Variants in N4BP1 observed in about 807,000 individuals in gnomAD.
N4BP1 encodes NEDD4-binding protein 1.
N4BP1 carries 21 observed loss-of-function variants against 70.9 expected under a neutral mutation model. The observed-to-expected ratio is 0.30, with a 90% CI of 0.21 to 0.43. The LOEUF is 0.43. Among genes scored for constraint, N4BP1 ranks in the 20% least tolerant of loss-of-function variants. The pLI is 1.00. For synonymous variants in N4BP1, 387 were observed against 394.6 expected (o/e 0.98, Z 0.23); for missense variants, 936 against 1,069.4 (o/e 0.88, Z 1.74).
chr16:48,553,937 G>GT (rs1483851355), intron 2 of N4BP1, among the ~76,000 whole-genome samples: 4 of 152,108 alleles, frequency 2.6e-5, no homozygotes, highest in Non-Finnish European at 5.9e-5. Context: ...GAGCTCCATG[G>GT]TAATACTTGT....
At chr16:48,543,769 G>A (rs911851158) in intron 6 of N4BP1, among the ~76,000 whole-genome samples, 1 of 152,286 alleles carries the variant, frequency 6.6e-6, no homozygotes, top group Non-Finnish European at 1.5e-5. Context: ...TACAGGGAGG[G>A]CATCTGTATC....
chr16:48,559,363 A>AT, intron 2 of N4BP1, among the ~76,000 whole-genome samples: 1 of 152,330 alleles, frequency 6.6e-6, no homozygotes, highest in South Asian at 2.1e-4. Context: ...TCAGAAAAGT[A>AT]TTTTTAAGAT....
In N4BP1 at chr16:48,565,023, C is replaced by A. The variant is rs1039666443; in HGVS notation, c.199-2579G>T. Among the ~76,000 whole-genome samples the A allele has an allele frequency of 2.0e-5, 3 of 152,300 alleles. No individual in the cohort carries two copies. The East Asian group carries it at 5.8e-4, about 29-fold the overall frequency. ...TGTATGTTAATCATGTATCTTGAAA[C>A]CTTCCTGAACTCACTTATTCCTATT... On this transcript the variant is annotated intron_variant, in intron 1 of 6. Coordinates refer to ENST00000262384, the MANE Select transcript of N4BP1 (RefSeq NM_153029.4).
chr16:48,559,661 A>AT (rs1454757130), intron 2 of N4BP1: 1 of 152,208 alleles, frequency 6.6e-6, no homozygotes, highest in Non-Finnish European at 1.5e-5. Flanking sequence ...CATAAGGCAA[A>AT]TGCCTCATCA....
At chr16:48,553,329 A>C (rs1420457749) in intron 3 of N4BP1, among the ~76,000 whole-genome samples, 1 of 152,228 alleles carries the variant, frequency 6.6e-6, no homozygotes, top group Middle Eastern at 3.2e-3. Flanking sequence ...TGTATAAATA[A>C]CTATGTTAAC....
chr16:48,561,032 A>G lies in N4BP1; in HGVS notation c.1611T>C (p.Asn537=). ...HQQPEPLLPN[N]MKSACEKRLG... The stretch of plus-strand genomic sequence containing the variant: ...AACGTTTTTCACAGGCAGATTTCAT[A>G]TTATTTGGAAGCAAGGGTTCTGGCT... The change falls in exon 2 of 7, where the codon AAT becomes AAC. Residue 537 remains asparagine (N), a synonymous_variant. Transcript: ENST00000262384. 1 of 1,614,000 alleles carries G rather than the reference A, an allele frequency of 6.2e-7. No homozygotes were observed. Among genetic ancestry groups the G allele is most frequent in the Non-Finnish European group, 8.5e-7 (1 of 1,179,874 alleles).
rs1567431070 is a variant in N4BP1, at chr16:48,560,849, A to T, written c.1794T>A (p.Asp598Glu). ...CCAGCTTGTAGGGTATTTTTAGAGT[A>T]TCTCGAAACCTTTGAACCCCAGTAA... ...SSVTGVQRFR[D>E]TLKIPYKLEL... Residue 598 changes from aspartate (D) to glutamate (E), a missense_variant, in exon 2 of 7, where the codon GAT becomes GAA. Around this residue, in one of 4 missense-constraint regions of N4BP1, gnomAD observed 515 missense variants for 491.7 expected, o/e 1.05. Coordinates refer to ENST00000262384, the MANE Select transcript of N4BP1 (RefSeq NM_153029.4). 2 of 1,613,854 alleles carry T rather than the reference A, an allele frequency of 1.2e-6. No homozygotes were observed. Among genetic ancestry groups the T allele is most frequent in the African/African-American group, 1.3e-5 (1 of 74,928 alleles).
At chr16:48,607,561 G>C (rs551050533) in intron 1 of N4BP1, among the ~76,000 whole-genome samples, 2 of 152,094 alleles carry the variant, frequency 1.3e-5, no homozygotes, top group Non-Finnish European at 2.9e-5. Context: ...AGGGAGGGAG[G>C]GAGCAATGAA....
At chr16:48,578,625 C>T (rs986371158) in intron 1 of N4BP1, among the ~76,000 whole-genome samples, 1 of 152,192 alleles carries the variant, frequency 6.6e-6, no homozygotes, top group Non-Finnish European at 1.5e-5. Flanking sequence ...TCCTCTGTTA[C>T]AGTACCAAAG....
At chr16:48,598,309 T>A (rs1964448939) in intron 1 of N4BP1, among the ~76,000 whole-genome samples, 1 of 152,190 alleles carries the variant, frequency 6.6e-6, no homozygotes, top group African/African-American at 2.4e-5. Context: ...CTTCCTCAGC[T>A]TCATTAGGTC....
intron 1 of N4BP1, among the ~76,000 whole-genome samples, chr16:48,564,067 T>C (rs1356743009): frequency 6.6e-6 from 1 of 152,224 alleles, no homozygotes; most frequent in African/African-American, 2.4e-5. Flanking sequence ...CTAGTAGCCT[T>C]CTATTTTCTA....
chr16:48,561,849 G>C lies in N4BP1; in HGVS notation c.794C>G (p.Pro265Arg). 1 of 1,613,770 alleles carries C rather than the reference G, an allele frequency of 6.2e-7. No homozygotes were observed. Among genetic ancestry groups the C allele is most frequent in the South Asian group, 1.1e-5 (1 of 91,076 alleles). The change falls in exon 2 of 7, where the codon CCA (proline) becomes CGA (arginine). Residue 265 changes from proline to arginine, a missense_variant. Physicochemically the swap from Pro to Arg is moderately radical, Grantham distance 103. This residue lies in a region of N4BP1 where 515 missense variants were observed against 491.7 expected (regional missense o/e 1.05). Coordinates refer to ENST00000262384, the MANE Select transcript of N4BP1 (RefSeq NM_153029.4). ...TTCATCTGGGGTTAGACCATTTATT[G>C]GATCAAAAAGCACATCTGGTGAGCT... ...LSSSPDVLFD[P>R]INGLTPDEEA...
intron 1 of N4BP1, among the ~76,000 whole-genome samples, chr16:48,593,838 T>C (rs978264649): frequency 1.3e-5 from 2 of 151,786 alleles, no homozygotes; most frequent in South Asian, 2.1e-4. Flanking sequence ...GGTGAAATAG[T>C]GTCTCTACTA....
chr16:48,572,240 G>A (rs1964029375), intron 1 of N4BP1, among the ~76,000 whole-genome samples: 1 of 152,056 alleles, frequency 6.6e-6, no homozygotes, highest in South Asian at 2.1e-4. Flanking sequence ...AGCATAATTA[G>A]TGGAACAATT....
intron 1 of N4BP1, among the ~76,000 whole-genome samples, chr16:48,592,620 A>G (rs534634729): frequency 6.6e-6 from 1 of 152,362 alleles, no homozygotes; most frequent in African/African-American, 2.4e-5. Context: ...ATATTTTGTC[A>G]GAAAAACTAA....
intron 1 of N4BP1, among the ~76,000 whole-genome samples, chr16:48,594,181 T>C (rs1270658803): frequency 6.6e-6 from 1 of 152,018 alleles, no homozygotes; most frequent in Admixed American, 6.6e-5. Context: ...GAGGGGGTGG[T>C]GTTGAGAGAA....
intron 1 of N4BP1, among the ~76,000 whole-genome samples, chr16:48,565,934 TTA>T (rs763895440): frequency 4.5e-4 from 68 of 152,320 alleles, no homozygotes; most frequent in African/African-American, 1.3e-3. Flanking sequence ...TGTAGTTTTC[TTA>T]TCTTTTTGAT....
rs1476151834 is a variant in N4BP1, at chr16:48,546,272, A to G, written c.2226-18T>C. ...GCAGCAGCCTACAACACAGAACACC[A>G]TGAGGCTGAGAGACAGGGTCCTCAC... On this transcript the variant is annotated intron_variant, in intron 5 of 6. Coordinates refer to ENST00000262384, the MANE Select transcript of N4BP1 (RefSeq NM_153029.4). 4 of 1,562,644 alleles carry G rather than the reference A, an allele frequency of 2.6e-6. No homozygotes were observed. The highest frequency in any genetic ancestry group is 2.6e-6 in the Non-Finnish European group (3 of 1,149,194).
chr16:48,596,320 G>A (rs1385661359), intron 1 of N4BP1, among the ~76,000 whole-genome samples: 1 of 152,076 alleles, frequency 6.6e-6, no homozygotes, highest in Admixed American at 6.6e-5. Flanking sequence ...CTTAAATGCT[G>A]TACTAAAACC....
Sources: gnomAD v4.1 joint callset for allele counts (sites outside exome capture counted in the v4.1 genomes callset) on GRCh38, gnomAD v4.1.1 for gene constraint, gnomAD v4.1.1 regional missense constraint, MANE v1.5 for transcripts, NCBI Gene and HGNC (gene_info 2026-07-23, HGNC 2026-07-21) for gene names.